SND1: variants seen among roughly 807,000 people sequenced by gnomAD.
SND1 encodes the protein staphylococcal nuclease domain-containing protein 1.
Under a neutral mutation model 121.7 loss-of-function variants are expected in SND1, and 38 were observed. The observed-to-expected ratio is 0.31, with a 90% CI of 0.24 to 0.41. SND1 has a LOEUF of 0.41. Among genes scored for constraint, SND1 ranks in the 10% least tolerant of loss-of-function variants. The pLI, the probability that SND1 is intolerant of heterozygous loss-of-function variation, is 1.00. For synonymous variants in SND1, 401 were observed against 447.4 expected (o/e 0.90, Z 1.31); for missense variants, 868 against 1,184.6 (o/e 0.73, Z 3.92).
chr7:127,801,075 G>A (rs1327056799), intron 10 of SND1, among the ~76,000 whole-genome samples: 1 of 152,106 alleles, frequency 6.6e-6, no homozygotes, highest in Non-Finnish European at 1.5e-5. Context: ...TGTTATACTT[G>A]TCTTGCACGT....
intron 11 of SND1, among the ~76,000 whole-genome samples, chr7:127,831,304 A>G (rs983370202): frequency 6.6e-6 from 1 of 152,242 alleles, no homozygotes; most frequent in Non-Finnish European, 1.5e-5. Context: ...TAGGCAAAGC[A>G]TTATTTTATA....
At chr7:128,066,466 G>A (rs1793316088) in intron 16 of SND1, among the ~76,000 whole-genome samples, 1 of 152,240 alleles carries the variant, frequency 6.6e-6, no homozygotes, top group Admixed American at 6.5e-5. Context: ...AGAGGCGTCA[G>A]TGGGGATCAG....
intron 10 of SND1, among the ~76,000 whole-genome samples, chr7:127,736,728 G>A (rs1386223401): frequency 2.6e-5 from 4 of 152,088 alleles, no homozygotes; most frequent in African/African-American, 9.7e-5. Flanking sequence ...TGTGATCCAG[G>A]CCCTTTGTGT....
rs182712280 is a variant in SND1 at position 127,815,763 on chromosome 7, C to T, written c.1242+8190C>T. On this transcript the variant is annotated intron_variant, in intron 11 of 23. Transcript: ENST00000354725. ...TTTGGAATTTTGAGGGGGTAATTTG[C>T]GGTACTTTGTTATGGCAGCCCTAGG... 2.5e-3 allele frequency among the ~76,000 whole-genome samples: 377 copies of T among 152,160 alleles called. 1 individual carries two copies. Among genetic ancestry groups the T allele is most frequent in the Admixed American group, 5.4e-3 (82 of 15,284 alleles).
chr7:127,826,607 G>GT (rs1798647418), intron 11 of SND1, among the ~76,000 whole-genome samples: 1 of 152,020 alleles, frequency 6.6e-6, no homozygotes, highest in Admixed American at 6.5e-5. Context: ...AAAAGTCAAC[G>GT]TTTTTTGTTT....
intron 16 of SND1, among the ~76,000 whole-genome samples, chr7:128,066,192 C>A (rs1162967250): frequency 1.3e-5 from 2 of 152,198 alleles, no homozygotes; most frequent in African/African-American, 2.4e-5. Flanking sequence ...CCTACCATCC[C>A]ACCCCTCATC....
At chr7:127,730,063 C>T (rs1015772246) in intron 10 of SND1, among the ~76,000 whole-genome samples, 5 of 152,164 alleles carry the variant, frequency 3.3e-5, no homozygotes, top group Non-Finnish European at 7.3e-5. Flanking sequence ...TCTGCCTCTG[C>T]CTTCAAGCGA....
chr7:128,006,283 G>A (rs1008935425), intron 16 of SND1, among the ~76,000 whole-genome samples: 4 of 152,072 alleles, frequency 2.6e-5, no homozygotes, highest in Admixed American at 1.3e-4. Context: ...ACAGTATCTT[G>A]ACTTTCACTT....
Position 127,838,093 on chromosome 7 carries a change from G to A in SND1, c.1243-6231G>A, listed in dbSNP as rs1378841480. Among the ~76,000 whole-genome samples the A allele has an allele frequency of 6.6e-5, 10 of 152,294 alleles. No homozygotes were observed. The East Asian group carries it at 1.9e-3, about 29-fold the overall frequency. ...GGTACGAGCCTGAGTGGCGGAATGA[G>A]TAGTTTGGTGGGAAGGGCTTACAGA... is the stretch of plus-strand genomic sequence containing the variant. On this transcript the variant is annotated intron_variant, in intron 11 of 23. Transcript: ENST00000354725.
intron 1 of SND1, among the ~76,000 whole-genome samples, chr7:127,670,660 A>G (rs968570395): frequency 1.7e-4 from 26 of 151,942 alleles, no homozygotes; most frequent in African/African-American, 5.1e-4. Context: ...ATTAGATCAC[A>G]TTTATTTATT....
At chr7:127,671,482 C>A (rs374273343) in intron 1 of SND1, among the ~76,000 whole-genome samples, 1 of 152,126 alleles carries the variant, frequency 6.6e-6, no homozygotes, top group African/African-American at 2.4e-5. Flanking sequence ...TTGTTCTATG[C>A]GCACGCTCCT....
chr7:128,071,356 A>G (rs181610777), intron 16 of SND1, among the ~76,000 whole-genome samples: 5 of 152,372 alleles, frequency 3.3e-5, no homozygotes, highest in East Asian at 1.9e-4. Flanking sequence ...CCTAGGAGCA[A>G]TGGTTCAATA....
chr7:127,928,140 C>G (rs943013395), intron 14 of SND1: 1 of 152,196 alleles, frequency 6.6e-6, no homozygotes, highest in South Asian at 2.1e-4. Context: ...TGATTTGGCA[C>G]TCTGGAGGAT....
At chr7:127,877,912 A>G (rs17151470) in intron 12 of SND1, among the ~76,000 whole-genome samples, 43,054 of 151,906 alleles carry the variant, frequency 0.28, 7,663 homozygotes, top group East Asian at 0.71. Flanking sequence ...GTAGGGATTC[A>G]AGGGTGTATT....
intron 16 of SND1, among the ~76,000 whole-genome samples, chr7:128,013,877 G>A (rs925760567): frequency 2.6e-5 from 4 of 152,240 alleles, no homozygotes; most frequent in African/African-American, 9.6e-5. Context: ...ACTGATGAGG[G>A]ACAGCCTGTA....
intron 16 of SND1, among the ~76,000 whole-genome samples, chr7:128,034,034 T>G (rs968759343): frequency 1.3e-5 from 2 of 152,234 alleles, no homozygotes; most frequent in African/African-American, 4.8e-5. Context: ...ATGAAGGCAC[T>G]TAGCTTAGGC....
chr7:127,663,421 G>A (rs1051781031), intron 1 of SND1, among the ~76,000 whole-genome samples: 5 of 151,028 alleles, frequency 3.3e-5, no homozygotes, highest in African/African-American at 1.2e-4. Context: ...CGCCAGGCTG[G>A]TGTGCAGTGG....
intron 10 of SND1, among the ~76,000 whole-genome samples, chr7:127,795,988 G>C (rs1410110103): frequency 4.6e-5 from 7 of 151,976 alleles, no homozygotes; most frequent in African/African-American, 1.7e-4. Flanking sequence ...CTCCCTAGTA[G>C]CTGGGACTAC....
At chr7:127,883,030 T>C (rs1250265254) in intron 12 of SND1, among the ~76,000 whole-genome samples, 1 of 152,096 alleles carries the variant, frequency 6.6e-6, no homozygotes, top group Non-Finnish European at 1.5e-5. Context: ...CTAAAAGAGA[T>C]GTTTAGGGTT....
Sources: allele counts gnomAD v4.1 joint callset (sites outside exome capture counted in the v4.1 genomes callset), GRCh38; gene constraint gnomAD v4.1.1; transcripts MANE v1.5; gene names NCBI Gene and HGNC (gene_info 2026-07-23, HGNC 2026-07-21).